Variants in MIPEP observed in about 807,000 individuals in gnomAD.
MIPEP encodes the protein mitochondrial intermediate peptidase.
In MIPEP, 79 loss-of-function variants were observed where a neutral mutation model predicts 90.3. The observed-to-expected ratio is 0.87, with a 90% CI of 0.73 to 1.05. MIPEP has a LOEUF of 1.05. Among genes scored for constraint, MIPEP ranks in the 50% least tolerant of loss-of-function variants. MIPEP has a pLI of 0.00. For missense variants in MIPEP, 940 were observed against 905.6 expected (o/e 1.04, Z -0.49); for synonymous variants, 334 against 315.8 (o/e 1.06, Z -0.61).
intron 10 of MIPEP, among the ~76,000 whole-genome samples, chr13:23,842,110 A>C (rs1291452270): frequency 1.3e-5 from 2 of 152,238 alleles, no homozygotes; most frequent in African/African-American, 4.8e-5. Context: ...TCCAATATAA[A>C]CCAAAGCAAA....
chr13:23,763,187 T>C (rs1249309142), intron 16 of MIPEP, among the ~76,000 whole-genome samples: 1 of 152,208 alleles, frequency 6.6e-6, no homozygotes, highest in Non-Finnish European at 1.5e-5. Flanking sequence ...TTTGTCAGTT[T>C]TTCTTTTTAT....
intron 14 of MIPEP, among the ~76,000 whole-genome samples, chr13:23,816,437 A>G (rs1277258162): frequency 6.6e-6 from 1 of 152,028 alleles, no homozygotes; most frequent in Non-Finnish European, 1.5e-5. Flanking sequence ...TTCCTTCCCT[A>G]GTTTCATCGA....
At chr13:23,801,483 T>C (rs1047175197) in intron 16 of MIPEP, among the ~76,000 whole-genome samples, 1 of 152,210 alleles carries the variant, frequency 6.6e-6, no homozygotes, top group Non-Finnish European at 1.5e-5. Context: ...CAAGACTATA[T>C]GTCTACTATT....
chr13:23,836,388 T>A lies in MIPEP; in HGVS notation c.1544-39A>T, dbSNP rs370222714. 535 of 1,257,176 alleles carry A rather than the reference T, an allele frequency of 4.3e-4. 1 individual carries two copies. Among genetic ancestry groups the A allele is most frequent in the South Asian group, 8.1e-4 (52 of 64,302 alleles). The allele number at this position is 1,257,176 out of a possible 1,614,324, so 77.9% of individuals were successfully genotyped here. A position where few individuals can be genotyped will look rare whatever the true frequency, so the allele number is the denominator to read the frequency against. ...AAAAAAAAAGTTGGCATGAATCAAA[T>A]CAATATATTTATCTACTTTTTGTGT... On this transcript the variant is annotated intron_variant, in intron 13 of 18. Coordinates refer to ENST00000382172, the MANE Select transcript of MIPEP (RefSeq NM_005932.4).
chr13:23,813,113 A>C (rs771943475), intron 14 of MIPEP, among the ~76,000 whole-genome samples: 5 of 152,190 alleles, frequency 3.3e-5, no homozygotes, highest in Non-Finnish European at 1.5e-5. Flanking sequence ...AAAACATAAC[A>C]AATTTGAAAA....
intron 12 of MIPEP, 58 bp downstream of exon 12, chr13:23,839,591 C>A: frequency 8.8e-7 from 1 of 1,130,864 alleles, no homozygotes; most frequent in Non-Finnish European, 1.3e-6. Context: ...AAGTTCACAT[C>A]AATACAAATG....
chr13:23,738,704 T>C (rs971712681), intron 18 of MIPEP, among the ~76,000 whole-genome samples: 4 of 152,048 alleles, frequency 2.6e-5, no homozygotes, highest in Non-Finnish European at 5.9e-5. Context: ...TACCTCAGCC[T>C]CTGAAAGTGC....
At chr13:23,748,228 C>T (rs1047273631) in intron 18 of MIPEP, among the ~76,000 whole-genome samples, 1 of 152,170 alleles carries the variant, frequency 6.6e-6, no homozygotes, top group African/African-American at 2.4e-5. Context: ...TTCTACAGCA[C>T]AGGAAACAAT....
chr13:23,866,663 A>G (rs970601880), intron 7 of MIPEP, among the ~76,000 whole-genome samples: 1 of 152,148 alleles, frequency 6.6e-6, no homozygotes, highest in South Asian at 2.1e-4. Context: ...AGTTCCTCAC[A>G]TGCCTGGCCT....
At chr13:23,866,504 C>G (rs1344214582) in intron 7 of MIPEP, among the ~76,000 whole-genome samples, 1 of 152,138 alleles carries the variant, frequency 6.6e-6, no homozygotes, top group African/African-American at 2.4e-5. Flanking sequence ...TCATGCCCAG[C>G]CCTCCTCACA....
Position 23,785,436 on chromosome 13 carries a change from C to A in MIPEP, c.1848+20514G>T, listed in dbSNP as rs557866963. 2.2e-5 allele frequency among the ~76,000 whole-genome samples: 3 copies of A among 138,702 alleles called. No homozygotes were observed. In the East Asian group the frequency reaches 6.4e-4, roughly 29 times the overall value. 91.0% of individuals were successfully genotyped at this position (138,702 alleles called of 152,430 possible). On this transcript the variant is annotated intron_variant, in intron 16 of 18. Coordinates refer to ENST00000382172, the MANE Select transcript of MIPEP (RefSeq NM_005932.4). ...TTCTCACTCACAGGTGGGAACTGAA[C>A]AATGAGAACACTTGGACATCATACA...
At chr13:23,819,186 G>A (rs1953276966) in intron 14 of MIPEP, among the ~76,000 whole-genome samples, 1 of 152,112 alleles carries the variant, frequency 6.6e-6, no homozygotes, top group Admixed American at 6.5e-5. Flanking sequence ...CTCCTACACT[G>A]GGCCCCAGTA....
intron 18 of MIPEP, among the ~76,000 whole-genome samples, chr13:23,750,366 G>A (rs1952429960): frequency 6.6e-6 from 1 of 152,186 alleles, no homozygotes; most frequent in South Asian, 2.1e-4. Context: ...GTCTCCTTAG[G>A]CTCCTCTAGA....
At chr13:23,856,502 A>G (rs1870053156) in intron 10 of MIPEP, among the ~76,000 whole-genome samples, 1 of 152,172 alleles carries the variant, frequency 6.6e-6, no homozygotes, top group Non-Finnish European at 1.5e-5. Flanking sequence ...TTTAAATGCA[A>G]ATTAAGGGGT....
chr13:23,808,569 A>C (rs2137406322), intron 15 of MIPEP, among the ~76,000 whole-genome samples: 1 of 152,208 alleles, frequency 6.6e-6, no homozygotes, highest in Middle Eastern at 3.4e-3. Context: ...AGGGCGGAGG[A>C]GGGAAAGGTT....
chr13:23,837,112 GA>G (rs1323400699), intron 13 of MIPEP, among the ~76,000 whole-genome samples: 1 of 152,148 alleles, frequency 6.6e-6, no homozygotes, highest in African/African-American at 2.4e-5. Context: ...TTATACAGGG[GA>G]AAGTATATGA....
intron 9 of MIPEP, among the ~76,000 whole-genome samples, chr13:23,859,143 G>A (rs1429355997): frequency 6.6e-6 from 1 of 152,008 alleles, no homozygotes; most frequent in Non-Finnish European, 1.5e-5. Flanking sequence ...CCAGAATCTG[G>A]GGAAAAGACA....
chr13:23,848,200 T>C (rs1197182626), intron 10 of MIPEP, among the ~76,000 whole-genome samples: 1 of 152,234 alleles, frequency 6.6e-6, no homozygotes, highest in Admixed American at 6.5e-5. Context: ...GAACCTGGCA[T>C]GGTTCCTGGA....
intron 18 of MIPEP, among the ~76,000 whole-genome samples, chr13:23,742,148 G>A (rs1162381441): frequency 6.6e-6 from 1 of 152,176 alleles, no homozygotes; most frequent in Non-Finnish European, 1.5e-5. Context: ...ATCTGGTTCC[G>A]CATGGTATCT....
Sources: gnomAD v4.1 joint callset for allele counts (sites outside exome capture counted in the v4.1 genomes callset) on GRCh38, gnomAD v4.1.1 for gene constraint, MANE v1.5 for transcripts, NCBI Gene and HGNC (gene_info 2026-07-23, HGNC 2026-07-21) for gene names.